Variants in IKZF5 observed in about 807,000 individuals in gnomAD.
IKZF5 encodes the protein IKAROS family zinc finger 5.
A neutral mutation model predicts 30.7 loss-of-function variants in IKZF5; 4 were observed. The ratio of observed to expected loss-of-function variants is 0.13; its 90% CI spans 0.06 to 0.30. The LOEUF (loss-of-function observed/expected upper bound fraction) is 0.30, where lower values mean the gene tolerates loss of function less well. Ranked by LOEUF, IKZF5 falls within the 10% of genes least tolerant of loss-of-function variation. The pLI is 1.00. For synonymous variants in IKZF5, 148 were observed against 179.6 expected, an observed-to-expected ratio of 0.82 and a Z score of 1.41; for missense variants, 348 against 525.5, an observed-to-expected ratio of 0.66 and a Z score of 3.30.
At position 122,991,950 on chromosome 10, in the gene IKZF5, G is replaced by A. The variant is rs1356056225; in HGVS notation, c.*1830C>T. Reference sequence around the variant, plus strand: ...CTGCTTTTATCTGAAGAATAAAAATGGGAAAAAATAACCACAAAAACTTCC... The same window carrying A: ...CTGCTTTTATCTGAAGAATAAAAATAGGAAAAAATAACCACAAAAACTTCC... On this transcript the variant is annotated 3_prime_UTR_variant, in exon 5 of 5. Transcript: ENST00000368886. 1 of 152,084 alleles carries A rather than the reference G, an allele frequency of 6.6e-6. No homozygotes were observed. Among genetic ancestry groups the A allele is most frequent in the African/African-American group, 2.4e-5 (1 of 41,430 alleles). 9.4% of individuals were successfully genotyped at this position (152,084 alleles called of 1,614,324 possible).
chr10:122,995,041 A>G (rs936823178), intron 4 of IKZF5: 2 of 250,134 alleles, frequency 8.0e-6, no homozygotes, highest in African/African-American at 2.3e-5. Flanking sequence ...AGTCTTACAT[A>G]ATAATGAGTT....
At chr10:123,002,718 G>A (rs1849634827) in intron 2 of IKZF5, among the ~76,000 whole-genome samples, 1 of 150,864 alleles carries the variant, frequency 6.6e-6, no homozygotes, top group Non-Finnish European at 1.5e-5. Context: ...AACCCAGGAG[G>A]TGGAGGCTGC....
At chr10:122,999,738 A>T (rs1849515691) in intron 2 of IKZF5, among the ~76,000 whole-genome samples, 1 of 152,238 alleles carries the variant, frequency 6.6e-6, no homozygotes, top group African/African-American at 2.4e-5. Context: ...CCCTGACCGT[A>T]GTGTAGAAAG....
rs1428329847 is a variant in IKZF5 at position 122,992,887 on chromosome 10, A to C, written c.*893T>G. On this transcript the variant is annotated 3_prime_UTR_variant, in exon 5 of 5. Coordinates refer to ENST00000368886, the MANE Select transcript of IKZF5 (RefSeq NM_001372123.1). ...CAGAAAATGGATAGAAGGAAGGAAA[A>C]GGAATCTTGAGAAATTTGTTTGGAG... 1 of 152,646 alleles carries C rather than the reference A, an allele frequency of 6.6e-6. No individual in the cohort carries two copies. The highest frequency in any genetic ancestry group is 1.9e-4 in the East Asian group (1 of 5,198). The allele number at this position is 152,646 out of a possible 1,614,324, so 9.5% of individuals were successfully genotyped here.
At position 122,991,367 on chromosome 10, in the gene IKZF5, A is replaced by C. The variant is rs1294557346; in HGVS notation, c.*2413T>G. 6.6e-6 allele frequency: 1 copy of C among 152,238 alleles called. No individual in the cohort carries two copies. The highest frequency in any genetic ancestry group is 1.5e-5 in the Non-Finnish European group (1 of 68,018). 9.4% of individuals were successfully genotyped at this position (152,238 alleles called of 1,614,324 possible). ...ATTAGTGGAGATAAATTATCTACCA[A>C]CTTTAAAAATCTAAACTTATGTTCA... is the stretch of plus-strand genomic sequence containing the variant. On this transcript the variant is annotated 3_prime_UTR_variant, in exon 5 of 5. Coordinates refer to ENST00000368886, the MANE Select transcript of IKZF5 (RefSeq NM_001372123.1).
At position 123,008,711 on chromosome 10, in the gene IKZF5, G is replaced by C; in HGVS notation, c.-215C>G. The C allele has an allele frequency of 3.7e-6, 2 of 534,320 alleles. No individual in the cohort carries two copies. Among genetic ancestry groups the C allele is most frequent in the Non-Finnish European group, 6.8e-6 (2 of 294,060 alleles). The allele number at this position is 534,320 out of a possible 1,614,324, so 33.1% of individuals were successfully genotyped here. A position where few individuals can be genotyped will look rare whatever the true frequency, so the allele number is the denominator to read the frequency against. ...CTACTTACCTCCTGACAACTGCATG[G>C]AGTAAACCACACCGCCTTGTTAAAT... On this transcript the variant is annotated 5_prime_UTR_variant, in exon 1 of 5. Transcript: ENST00000368886.
At chr10:123,002,684 G>T (rs759149649) in intron 2 of IKZF5, among the ~76,000 whole-genome samples, 3 of 151,240 alleles carry the variant, frequency 2.0e-5, no homozygotes, top group Non-Finnish European at 2.9e-5. Context: ...AATTAGCCAG[G>T]CGTGGTGGCA....
intron 2 of IKZF5, among the ~76,000 whole-genome samples, chr10:123,004,017 G>A (rs1266343998): frequency 6.6e-6 from 1 of 151,316 alleles, no homozygotes; most frequent in Non-Finnish European, 1.5e-5. Flanking sequence ...CTAGTTCTCT[G>A]TTTCTTTATC....
Position 123,008,755 on chromosome 10 carries a change from G to C in IKZF5, c.-259C>G, listed in dbSNP as rs1483577449. 1.7e-6 allele frequency: 1 copy of C among 597,552 alleles called. No homozygotes were observed. The highest frequency in any genetic ancestry group is 1.9e-5 in the South Asian group (1 of 51,862). The allele number at this position is 597,552 out of a possible 1,614,324, so 37.0% of individuals were successfully genotyped here. ...GTTAAATGCCGTCGCCGCCGCCGCC[G>C]TCTTCGTCACCGTCACAGTCGCCGC... On this transcript the variant is annotated 5_prime_UTR_variant, in exon 1 of 5. Transcript: ENST00000368886.
At chr10:123,008,194 T>C (rs1849884881) in intron 1 of IKZF5, among the ~76,000 whole-genome samples, 1 of 152,132 alleles carries the variant, frequency 6.6e-6, no homozygotes, top group African/African-American at 2.4e-5. Context: ...GATCATTAGA[T>C]AAAATACGAA....
rs1264753971 is a variant in IKZF5 at position 122,992,449 on chromosome 10, G to C, written c.*1331C>G. On this transcript the variant is annotated 3_prime_UTR_variant, in exon 5 of 5. Coordinates refer to ENST00000368886, the MANE Select transcript of IKZF5 (RefSeq NM_001372123.1). ...AGTACACAGAAAAGAAACCAAGTTA[G>C]TAACAATGTATTTTATTGTTTGACC... 2 of 152,146 alleles carry C rather than the reference G, an allele frequency of 1.3e-5. No homozygotes were observed. Among genetic ancestry groups the C allele is most frequent in the Non-Finnish European group, 2.9e-5 (2 of 68,004 alleles). The allele number at this position is 152,146 out of a possible 1,614,324, so 9.4% of individuals were successfully genotyped here.
In IKZF5 at chr10:122,993,111, C is replaced by A. The variant is rs2133373609; in HGVS notation, c.*669G>T. ...TGTATTTACCTGTGAAAATAAAAAT[C>A]CAGTGGAAAACTGACATGTGTTTAG... is the stretch of plus-strand genomic sequence containing the variant. On this transcript the variant is annotated 3_prime_UTR_variant, in exon 5 of 5. Coordinates refer to ENST00000368886, the MANE Select transcript of IKZF5 (RefSeq NM_001372123.1). 1 of 152,342 alleles carries A rather than the reference C, an allele frequency of 6.6e-6. No individual in the cohort carries two copies. Among genetic ancestry groups the A allele is most frequent in the East Asian group, 1.9e-4 (1 of 5,176 alleles). 9.4% of individuals were successfully genotyped at this position (152,342 alleles called of 1,614,324 possible). A position where few individuals can be genotyped will look rare whatever the true frequency, so the allele number is the denominator to read the frequency against.
rs753889659 is a variant in IKZF5 at position 122,994,763 on chromosome 10, G to A, written c.317-40C>T. Reference sequence around the variant, plus strand: ...AAATGATGGAGAAACTACAAGAGTAGTTCATTTATGGAAAGTTTTGCTTGT... The same window carrying A: ...AAATGATGGAGAAACTACAAGAGTAATTCATTTATGGAAAGTTTTGCTTGT... On this transcript the variant is annotated intron_variant, in intron 4 of 4. Transcript: ENST00000368886. This position sits in a 1 kb window ranked among gnomAD's most constrained non-coding sequence, Gnocchi z 5.6. The A allele has an allele frequency of 6.8e-7, 1 of 1,479,926 alleles. No homozygotes were observed. 91.7% of individuals were successfully genotyped at this position (1,479,926 alleles called of 1,614,324 possible). A position where few individuals can be genotyped will look rare whatever the true frequency, so the allele number is the denominator to read the frequency against.
chr10:122,995,382 G>T (rs1849326198), intron 4 of IKZF5, among the ~76,000 whole-genome samples: 1 of 152,196 alleles, frequency 6.6e-6, no homozygotes, highest in African/African-American at 2.4e-5. Context: ...CATTCATCTA[G>T]TAAGTATGTG....
chr10:122,995,855 G>T, intron 4 of IKZF5, 139 bp downstream of exon 4: 1 of 748,672 alleles, frequency 1.3e-6, no homozygotes, highest in Non-Finnish European at 2.1e-6. Context: ...GAAAAATGGA[G>T]TAACTTTCCC....
In IKZF5 at chr10:122,991,694, C is replaced by T. The variant is rs1849167289; in HGVS notation, c.*2086G>A. On this transcript the variant is annotated 3_prime_UTR_variant, in exon 5 of 5. Transcript: ENST00000368886. The stretch of plus-strand genomic sequence containing the variant: ...TAACTGTAGCTTCTTAGCATCAAAA[C>T]CTTTGGGATATCAACTGTGCTCTTT... The T allele has an allele frequency of 1.3e-5, 2 of 152,116 alleles. No individual in the cohort carries two copies. The highest frequency in any genetic ancestry group is 4.8e-5 in the African/African-American group (2 of 41,436). The allele number at this position is 152,116 out of a possible 1,614,324, so 9.4% of individuals were successfully genotyped here.
At chr10:122,996,490 G>T (rs1163808610) in intron 3 of IKZF5, among the ~76,000 whole-genome samples, 1 of 149,422 alleles carries the variant, frequency 6.7e-6, no homozygotes, top group African/African-American at 2.5e-5. Flanking sequence ...AGGAGTTAGA[G>T]ACCAGCCTAG....
At position 123,007,102 on chromosome 10, in the gene IKZF5, T is replaced by C. The variant is rs1033941468; in HGVS notation, c.-123A>G. 4.6e-5 allele frequency: 7 copies of C among 152,142 alleles called. No individual in the cohort carries two copies. Among genetic ancestry groups the C allele is most frequent in the African/African-American group, 1.7e-4 (7 of 41,426 alleles). The allele number at this position is 152,142 out of a possible 1,614,324, so 9.4% of individuals were successfully genotyped here. The stretch of plus-strand genomic sequence containing the variant: ...AAATGTAGAGTAATTGAAATTTACT[T>C]CGGAGATACAGCAAGGGACTCCAAA... On this transcript the variant is annotated 5_prime_UTR_variant, in exon 2 of 5. Transcript: ENST00000368886.
In IKZF5 at chr10:122,994,273, G is replaced by A. The variant is rs777553858; in HGVS notation, c.767C>T (p.Ser256Leu). 1.9e-6 allele frequency: 3 copies of A among 1,614,050 alleles called. No homozygotes were observed. The highest frequency in any genetic ancestry group is 2.5e-6 in the Non-Finnish European group (3 of 1,179,996). ...LMVDNPLNQLSTLAGQLSSLP... is the reference protein window; with the variant it reads ...LMVDNPLNQLLTLAGQLSSLP... ...ACTGGACAACTGCCCTGCTAGAGTCGAGAGCTGATTCAAAGGGTTATCAAC... is the reference window on the plus strand; with the variant it reads ...ACTGGACAACTGCCCTGCTAGAGTCAAGAGCTGATTCAAAGGGTTATCAAC... Residue 256 changes from serine to leucine, a missense_variant, in exon 5 of 5, where the codon TCG becomes TTG. By Grantham distance (145) the Ser-to-Leu change is moderately radical. Transcript: ENST00000368886. The surrounding 1 kb of genome is among the most constrained non-coding windows in gnomAD (Gnocchi z 5.6).
Sources: gnomAD v4.1 joint callset for allele counts (sites outside exome capture counted in the v4.1 genomes callset) on GRCh38, gnomAD v4.1.1 for gene constraint, Gnocchi (gnomAD v3.1) non-coding constraint, MANE v1.5 for transcripts, NCBI Gene and HGNC (gene_info 2026-07-23, HGNC 2026-07-21) for gene names.